DYNC2H1: variants seen among roughly 807,000 people sequenced by gnomAD.
The protein encoded by DYNC2H1 is cytoplasmic dynein 2 heavy chain 1.
In DYNC2H1, 410 loss-of-function variants were observed where a neutral mutation model predicts 570.0. That is an observed-to-expected ratio of 0.72 (90% CI 0.66 to 0.78). The LOEUF (loss-of-function observed/expected upper bound fraction) is 0.78. Ranked by LOEUF, DYNC2H1 falls within the 30% of genes least tolerant of loss-of-function variation. The pLI is 0.00. For synonymous variants in DYNC2H1, 1,688 were observed against 1,677.6 expected, an observed-to-expected ratio of 1.01 and a Z score of -0.15; for missense variants, 4,865 against 5,046.4, an observed-to-expected ratio of 0.96 and a Z score of 1.09.
chr11:103,165,471 G>A (rs983225580), intron 30 of DYNC2H1, among the ~76,000 whole-genome samples: 7 of 152,100 alleles, frequency 4.6e-5, no homozygotes, highest in African/African-American at 9.7e-5. Context: ...TTTTGCTATC[G>A]TAGACTTCAG....
chr11:103,296,875 A>G (rs1425908518), intron 75 of DYNC2H1, among the ~76,000 whole-genome samples: 2 of 151,948 alleles, frequency 1.3e-5, no homozygotes, highest in African/African-American at 4.8e-5. Flanking sequence ...TCTTTCTAGA[A>G]CACATTCTTC....
intron 12 of DYNC2H1, 71 bp downstream of exon 12, chr11:103,125,366 C>CTTTT (rs71465387): frequency 6.1e-5 from 34 of 553,154 alleles, no homozygotes; most frequent in South Asian, 1.3e-4. Context: ...ATGCTAAAGG[C>CTTTT]TTTTTTTTTT....
chr11:103,257,686 A>C lies in DYNC2H1; in HGVS notation c.10540A>C (p.Asn3514His). The C allele has an allele frequency of 6.2e-7, 1 of 1,612,788 alleles. No individual in the cohort carries two copies. The highest frequency in any genetic ancestry group is 1.7e-5 in the Admixed American group (1 of 59,878). The change falls in exon 69 of 89, where the codon AAC becomes CAC. Residue 3514 changes from asparagine to histidine, a missense_variant. By Grantham distance (68) the Asn-to-His change is moderately conservative. Transcript: ENST00000375735. ...TATTTCTGATTTGTCCAAAATTAATAACATGTACCGTTTTAGTTTGGCTGC... is the reference window on the plus strand; with the variant it reads ...TATTTCTGATTTGTCCAAAATTAATCACATGTACCGTTTTAGTTTGGCTGC... Reference protein sequence around the residue: ...FIISDLSKINNMYRFSLAAFL... With the variant: ...FIISDLSKINHMYRFSLAAFL...
intron 17 of DYNC2H1, among the ~76,000 whole-genome samples, chr11:103,136,171 C>A (rs554329986): frequency 6.6e-6 from 1 of 150,380 alleles, no homozygotes; most frequent in African/African-American, 2.4e-5. Flanking sequence ...TATTTTGTGA[C>A]AATTGAGAAA....
chr11:103,117,242 A>ATTT (rs1423751007), intron 5 of DYNC2H1, among the ~76,000 whole-genome samples: 1 of 146,766 alleles, frequency 6.8e-6, no homozygotes, highest in African/African-American at 2.5e-5. Flanking sequence ...GTATATATAT[A>ATTT]TTTAATATAT....
rs530958297 is a variant in DYNC2H1, at chr11:103,235,714, G to A, written c.9610G>A (p.Ala3204Thr). The A allele has an allele frequency of 1.2e-6, 2 of 1,611,122 alleles. No homozygotes were observed. Among genetic ancestry groups the A allele is most frequent in the South Asian group, 1.1e-5 (1 of 90,898 alleles). The change falls in exon 62 of 89, where the codon GCT (alanine) becomes ACT (threonine). Residue 3204 changes from alanine to threonine, a missense_variant. By Grantham distance (58) the Ala-to-Thr change is moderately conservative. Around this residue, in one of 5 missense-constraint regions of DYNC2H1, gnomAD observed 2,401 missense variants for 2,454.6 expected, o/e 0.98. Coordinates refer to ENST00000375735, the MANE Select transcript of DYNC2H1 (RefSeq NM_001377.3). ...GGAATTAGCTACTCTTCCTAAAAGA[G>A]CTCAACTTGCTGCTGCATTTATTAC... ...TEELATLPKR[A>T]QLAAAFITYL...
At chr11:103,147,973 G>T in intron 19 of DYNC2H1, 86 bp downstream of exon 19, 1 of 1,033,914 alleles carries the variant, frequency 9.7e-7, no homozygotes, top group South Asian at 1.7e-5. Context: ...GAATTTCAAT[G>T]ATCATTAAAA....
rs930167657 is a variant in DYNC2H1 at position 103,370,496 on chromosome 11, G to T, written c.12156+12137G>T. On this transcript the variant is annotated intron_variant, in intron 83 of 88. Coordinates refer to ENST00000375735, the MANE Select transcript of DYNC2H1 (RefSeq NM_001377.3). ...TGATCATAGGCCATAGCCAAGGAGT[G>T]GTTACTGCAGGCCTTGGCAAGACCT... Among the ~76,000 whole-genome samples, 4 of 152,270 alleles carry T rather than the reference G, an allele frequency of 2.6e-5. No homozygotes were observed. In the East Asian group the frequency reaches 7.7e-4, roughly 29 times the overall value.
intron 84 of DYNC2H1, among the ~76,000 whole-genome samples, chr11:103,410,414 C>G (rs1242850841): frequency 6.6e-6 from 1 of 152,062 alleles, no homozygotes; most frequent in East Asian, 1.9e-4. Flanking sequence ...TGTGCTTACT[C>G]TATAACCTTT....
chr11:103,293,306 T>C (rs71480477), intron 75 of DYNC2H1, among the ~76,000 whole-genome samples: 4 of 152,180 alleles, frequency 2.6e-5, no homozygotes, highest in Non-Finnish European at 5.9e-5. Context: ...GGAGCTTCTT[T>C]ATATGTTATT....
rs188370162 is a variant in DYNC2H1, at chr11:103,411,284, A to G, written c.12366+11412A>G. Among the ~76,000 whole-genome samples the G allele has an allele frequency of 1.2e-4, 18 of 152,226 alleles. No individual in the cohort carries two copies. The East Asian group carries it at 3.5e-3, about 29-fold the overall frequency. On this transcript the variant is annotated intron_variant, in intron 84 of 88. Transcript: ENST00000375735. ...AATTAGGGTATAATTGATTTAGGCT[A>G]TGATATATAAGGTAGCGCTTTCAGA...
intron 82 of DYNC2H1, among the ~76,000 whole-genome samples, chr11:103,348,015 G>A (rs1939839540): frequency 6.6e-6 from 1 of 152,156 alleles, no homozygotes. Flanking sequence ...AGACGGGGGA[G>A]GGATTGCGAA....
chr11:103,295,868 G>C (rs572760852), intron 75 of DYNC2H1, among the ~76,000 whole-genome samples: 1 of 152,004 alleles, frequency 6.6e-6, no homozygotes, highest in Admixed American at 6.6e-5. Context: ...TCTTTGTTCC[G>C]GGCCCAGTCT....
At position 103,187,335 on chromosome 11, in the gene DYNC2H1, C is replaced by T. The variant is rs552793888; in HGVS notation, c.6894-5C>T. 26 of 1,610,898 alleles carry T rather than the reference C, an allele frequency of 1.6e-5. No individual in the cohort carries two copies. In the Admixed American group the frequency reaches 2.5e-4, roughly 16 times the overall value. ...TCAAAGTCAGATGTCATGCATTTTTCGTAGGATGCTGCTCAGGTACGCATT... is the reference window on the plus strand; with the variant it reads ...TCAAAGTCAGATGTCATGCATTTTTTGTAGGATGCTGCTCAGGTACGCATT... On this transcript the variant is annotated splice_polypyrimidine_tract_variant and splice_region_variant and intron_variant, in intron 42 of 88. Transcript: ENST00000375735.
At position 103,241,071 on chromosome 11, in the gene DYNC2H1, T is replaced by C. The variant is rs1049858959; in HGVS notation, c.9820-2622T>C. 2.0e-5 allele frequency among the ~76,000 whole-genome samples: 3 copies of C among 152,190 alleles called. No individual in the cohort carries two copies. Among genetic ancestry groups the C allele is most frequent in the African/African-American group, 4.8e-5 (2 of 41,450 alleles). Reference sequence around the variant, plus strand: ...CACTTCTTTGCCTAGCTGATCTCTCTTGTCTTAGTTTGACTTGAACTGTTT... The same window carrying C: ...CACTTCTTTGCCTAGCTGATCTCTCCTGTCTTAGTTTGACTTGAACTGTTT... On this transcript the variant is annotated intron_variant, in intron 63 of 88. Transcript: ENST00000375735. This position sits in a 1 kb window ranked among gnomAD's most constrained non-coding sequence, Gnocchi z 5.1.
chr11:103,188,260 G>A (rs957052665), intron 43 of DYNC2H1, among the ~76,000 whole-genome samples: 17 of 151,894 alleles, frequency 1.1e-4, no homozygotes, highest in African/African-American at 3.9e-4. Context: ...GTGTTTATTA[G>A]AGAGAAAAGC....
chr11:103,247,461 A>G (rs1283699661), intron 65 of DYNC2H1, among the ~76,000 whole-genome samples: 5 of 152,100 alleles, frequency 3.3e-5, no homozygotes, highest in Admixed American at 2.0e-4. Flanking sequence ...GGGTGACCCA[A>G]TGGCCCGAAG....
intron 59 of DYNC2H1, 27 bp from the exon 60 acceptor site, chr11:103,231,233 C>G: frequency 7.2e-7 from 1 of 1,396,280 alleles, no homozygotes; most frequent in Non-Finnish European, 9.9e-7. Flanking sequence ...AATAGAATGA[C>G]TTGTATAATA....
rs58016632 is a variant in DYNC2H1 at position 103,243,256 on chromosome 11, TATAGATAGATAGATAGATAG to T, written c.9820-405_9820-386del. On this transcript the variant is annotated intron_variant, in intron 63 of 88. Coordinates refer to ENST00000375735, the MANE Select transcript of DYNC2H1 (RefSeq NM_001377.3). The surrounding 1 kb of genome is among the most constrained non-coding windows in gnomAD (Gnocchi z 4.8). Reference sequence around the variant, plus strand: ...TTATAGTTTTTATTCAAACAAAGAATATAGATAGATAGATAGATAGATAGATAGATAGATAGATAGATAGA... The same window carrying T: ...TTATAGTTTTTATTCAAACAAAGAATATAGATAGATAGATAGATAGATAGA... Among the ~76,000 whole-genome samples the T allele has an allele frequency of 5.5e-4, 81 of 146,494 alleles. No homozygotes were observed. Among genetic ancestry groups the T allele is most frequent in the African/African-American group, 1.3e-3 (52 of 39,034 alleles).
Sources: allele counts gnomAD v4.1 joint callset (sites outside exome capture counted in the v4.1 genomes callset), GRCh38; gene constraint gnomAD v4.1.1; regional missense constraint gnomAD v4.1.1; non-coding constraint Gnocchi (gnomAD v3.1); transcripts MANE v1.5; gene names NCBI Gene and HGNC (gene_info 2026-07-23, HGNC 2026-07-21).